CEP112: variants seen among roughly 807,000 people sequenced by gnomAD.
CEP112 encodes the protein centrosomal protein of 112 kDa.
Under a neutral mutation model 153.0 loss-of-function variants are expected in CEP112, and 127 were observed. The observed-to-expected ratio is 0.83, with a 90% confidence interval of 0.72 to 0.96. CEP112 has a LOEUF of 0.96. Among genes scored for constraint, CEP112 ranks in the 40% least tolerant of loss-of-function variants. CEP112 has a pLI of 0.00. For missense variants in CEP112, 1,089 were observed against 1,101.2 expected, an observed-to-expected ratio of 0.99 and a Z score of 0.16; for synonymous variants, 358 against 374.4, an observed-to-expected ratio of 0.96 and a Z score of 0.51.
At chr17:66,177,527 GA>G (rs2072536100) in intron 2 of CEP112, among the ~76,000 whole-genome samples, 3 of 142,140 alleles carry the variant, frequency 2.1e-5, no homozygotes, top group East Asian at 4.1e-4. Flanking sequence ...GTCGCATCAG[GA>G]TAAATCGGGT....
chr17:66,079,269 G>A (rs2067623218), intron 8 of CEP112, among the ~76,000 whole-genome samples: 1 of 151,954 alleles, frequency 6.6e-6, no homozygotes, highest in Non-Finnish European at 1.5e-5. Flanking sequence ...GTAAAACCCC[G>A]TTTCTACTCT....
intron 19 of CEP112, among the ~76,000 whole-genome samples, chr17:65,923,001 A>G (rs1415379706): frequency 1.3e-5 from 2 of 152,168 alleles, no homozygotes; most frequent in African/African-American, 4.8e-5. Flanking sequence ...CCCCATCACT[A>G]AAGTTGTGGA....
rs781165091 is a variant in CEP112 at position 66,066,850 on chromosome 17, C to G, written c.883G>C (p.Glu295Gln). ...KILERKNNEI[E>Q]ELKTLYRSKQ... The stretch of plus-strand genomic sequence containing the variant: ...CTCCTGTATAAAGTTTTCAGTTCTT[C>G]TATTTCATTATTCTTTCTTTCTAAA... Residue 295 changes from glutamate to glutamine, a missense_variant, in exon 10 of 27, where the codon GAA (glutamate) becomes CAA (glutamine). Transcript: ENST00000535342. 1 of 1,542,140 alleles carries G rather than the reference C, an allele frequency of 6.5e-7. No individual in the cohort carries two copies. The highest frequency in any genetic ancestry group is 1.2e-5 in the South Asian group (1 of 80,982).
intron 18 of CEP112, among the ~76,000 whole-genome samples, chr17:65,946,206 TTG>T (rs1175622544): frequency 1.6e-4 from 24 of 152,286 alleles, no homozygotes; most frequent in African/African-American, 5.8e-4. Flanking sequence ...TTAAAATATT[TTG>T]TTTTTTATGC....
chr17:66,180,924 T>C (rs1030159420), intron 2 of CEP112, among the ~76,000 whole-genome samples: 1 of 152,190 alleles, frequency 6.6e-6, no homozygotes, highest in Non-Finnish European at 1.5e-5. Flanking sequence ...CCTTTAAAAT[T>C]TTTTGTATTT....
At chr17:66,085,934 G>A (rs1228983699) in intron 8 of CEP112, among the ~76,000 whole-genome samples, 2 of 129,204 alleles carry the variant, frequency 1.5e-5, no homozygotes, top group African/African-American at 5.9e-5. Context: ...CTGAAACTAC[G>A]CCACTCTACT....
intron 24 of CEP112, among the ~76,000 whole-genome samples, chr17:65,683,528 G>T (rs1237961677): frequency 6.6e-6 from 1 of 152,160 alleles, no homozygotes; most frequent in East Asian, 1.9e-4. Context: ...GATTCCTGCC[G>T]AACAGCTTTG....
chr17:66,043,292 C>T (rs1471271734), intron 12 of CEP112: 1 of 152,560 alleles, frequency 6.6e-6, no homozygotes, highest in Non-Finnish European at 1.5e-5. Context: ...TAGTTCATTA[C>T]ACTACTGAGC....
At chr17:65,815,978 T>C (rs1233318289) in intron 21 of CEP112, among the ~76,000 whole-genome samples, 1 of 152,052 alleles carries the variant, frequency 6.6e-6, no homozygotes, top group African/African-American at 2.4e-5. Flanking sequence ...TTATTTCTTT[T>C]TCTTGCCTTG....
intron 24 of CEP112, among the ~76,000 whole-genome samples, chr17:65,669,686 G>A (rs888477775): frequency 2.6e-5 from 4 of 152,094 alleles, no homozygotes; most frequent in East Asian, 1.9e-4. Context: ...GGTGGATCAC[G>A]AGGTCAGGAG....
At chr17:66,047,525 T>C (rs2066263242) in intron 12 of CEP112, among the ~76,000 whole-genome samples, 1 of 152,256 alleles carries the variant, frequency 6.6e-6, no homozygotes, top group Admixed American at 6.5e-5. Context: ...AATTTTTTTC[T>C]TTTTCATCAT....
At chr17:65,986,566 T>A (rs1315058577) in intron 17 of CEP112, among the ~76,000 whole-genome samples, 4 of 152,176 alleles carry the variant, frequency 2.6e-5, no homozygotes, top group Non-Finnish European at 5.9e-5. Context: ...ACAAATGATG[T>A]TGGTGTACTA....
intron 20 of CEP112, among the ~76,000 whole-genome samples, chr17:65,877,878 A>G (rs982982436): frequency 6.6e-6 from 1 of 152,238 alleles, no homozygotes; most frequent in African/African-American, 2.4e-5. Context: ...AAATTTCTTC[A>G]TATTTGTGAC....
At chr17:65,929,463 T>C (rs1482964198) in intron 18 of CEP112, among the ~76,000 whole-genome samples, 1 of 152,212 alleles carries the variant, frequency 6.6e-6, no homozygotes, top group Non-Finnish European at 1.5e-5. Flanking sequence ...TGAGGCTTTG[T>C]TTAGCATCAC....
chr17:66,030,762 G>T (rs2065429237), intron 12 of CEP112, among the ~76,000 whole-genome samples: 1 of 151,860 alleles, frequency 6.6e-6, no homozygotes, highest in African/African-American at 2.4e-5. Flanking sequence ...CTAAAATTAG[G>T]GTAAGCAAGC....
At chr17:66,007,383 T>C (rs1263988438) in intron 16 of CEP112, among the ~76,000 whole-genome samples, 1 of 152,208 alleles carries the variant, frequency 6.6e-6, no homozygotes, top group African/African-American at 2.4e-5. Flanking sequence ...ACATTTATTT[T>C]ATCTTACATG....
chr17:65,844,477 G>C (rs764448876), intron 21 of CEP112, among the ~76,000 whole-genome samples: 17 of 152,000 alleles, frequency 1.1e-4, no homozygotes, highest in Non-Finnish European at 1.6e-4. Context: ...CTGAGGTCAG[G>C]AGTTCAAGAC....
At chr17:65,914,808 C>T (rs916051625) in intron 19 of CEP112, among the ~76,000 whole-genome samples, 10 of 152,194 alleles carry the variant, frequency 6.6e-5, no homozygotes, top group African/African-American at 1.4e-4. Context: ...CTAGATACCA[C>T]TCATTTCTCT....
chr17:66,062,901 T>C, intron 11 of CEP112, 62 bp downstream of exon 11: 1 of 792,920 alleles, frequency 1.3e-6, no homozygotes, highest in Non-Finnish European at 2.0e-6. Flanking sequence ...ACTTTTATAA[T>C]TAAATATGTT....
Sources: gnomAD v4.1 joint callset for allele counts (sites outside exome capture counted in the v4.1 genomes callset) on GRCh38, gnomAD v4.1.1 for gene constraint, MANE v1.5 for transcripts, NCBI Gene and HGNC (gene_info 2026-07-23, HGNC 2026-07-21) for gene names.